Variants in PARPBP observed in about 807,000 individuals in gnomAD.
PARPBP encodes the protein PARP1 binding protein.
PARPBP carries 52 observed loss-of-function variants against 50.0 expected under a neutral mutation model. The observed-to-expected ratio is 1.04, with a 90% CI of 0.83 to 1.31. The LOEUF is 1.31. Ranked by LOEUF, PARPBP falls within the 50% of genes most tolerant of loss-of-function variation. The probability of loss-of-function intolerance (pLI) is 0.00; values close to 1 mark genes in which losing one functional copy is unlikely to be tolerated. For synonymous variants in PARPBP, 244 were observed against 232.1 expected (o/e 1.05, Z -0.47); for missense variants, 697 against 672.0 (o/e 1.04, Z -0.41).
chr12:102,128,619 G>A (rs1331563863), intron 2 of PARPBP, among the ~76,000 whole-genome samples: 1 of 152,072 alleles, frequency 6.6e-6, no homozygotes, highest in Non-Finnish European at 1.5e-5. Flanking sequence ...TTAATATAAT[G>A]TTTTCCAGGT....
chr12:102,166,176 G>A (rs530307274), intron 6 of PARPBP, among the ~76,000 whole-genome samples: 1 of 152,250 alleles, frequency 6.6e-6, no homozygotes, highest in African/African-American at 2.4e-5. Flanking sequence ...CTGGCAATGA[G>A]CAGACAGATA....
intron 2 of PARPBP, among the ~76,000 whole-genome samples, chr12:102,145,926 T>C (rs1885281707): frequency 6.6e-6 from 1 of 152,216 alleles, no homozygotes; most frequent in South Asian, 2.1e-4. Flanking sequence ...TTAGCACTGA[T>C]GTTTTGCTTT....
chr12:102,195,371 A>G lies in PARPBP; in HGVS notation c.1323A>G (p.Ile441Met). The G allele has an allele frequency of 6.3e-7, 1 of 1,589,274 alleles. No individual in the cohort carries two copies. The highest frequency in any genetic ancestry group is 8.6e-7 in the Non-Finnish European group (1 of 1,161,246). Residue 441 changes from isoleucine to methionine, a missense_variant, in exon 10 of 11, where the codon ATA (isoleucine) becomes ATG (methionine). Ile to Met is a conservative substitution (Grantham distance 10). Transcript: ENST00000327680. ...GTACTTATAAAGATGACTACATGAT[A>G]AGCAAGGATAATTGGAATAATGTTA... The part of the protein sequence containing the change: ...FACTYKDDYM[I>M]SKDNWNNVNL...
At chr12:102,177,506 A>ATATTT (rs1405092524) in intron 7 of PARPBP, among the ~76,000 whole-genome samples, 1 of 151,976 alleles carries the variant, frequency 6.6e-6, no homozygotes, top group Non-Finnish European at 1.5e-5. Context: ...TTATTATTAT[A>ATATTT]TATTTTATTT....
intron 4 of PARPBP, among the ~76,000 whole-genome samples, chr12:102,161,322 G>A (rs1484630953): frequency 1.3e-5 from 2 of 151,956 alleles, no homozygotes; most frequent in Non-Finnish European, 2.9e-5. Context: ...TGGCCAGGCT[G>A]GTCTTGAACT....
intron 6 of PARPBP, among the ~76,000 whole-genome samples, chr12:102,172,216 T>C (rs1018298237): frequency 6.6e-6 from 1 of 152,176 alleles, no homozygotes; most frequent in Non-Finnish European, 1.5e-5. Flanking sequence ...TGCCTCTTTC[T>C]CATCTAAATT....
chr12:102,164,481 T>G lies in PARPBP; in HGVS notation c.539T>G (p.Leu180Arg), dbSNP rs748280392. The G allele has an allele frequency of 6.2e-7, 1 of 1,613,004 alleles. No homozygotes were observed. The highest frequency in any genetic ancestry group is 1.1e-5 in the South Asian group (1 of 91,060). Residue 180 changes from leucine to arginine, a missense_variant, in exon 5 of 11, where the codon CTG (leucine) becomes CGG (arginine). Leu to Arg is a moderately radical substitution (Grantham distance 102). Coordinates refer to ENST00000327680, the MANE Select transcript of PARPBP (RefSeq NM_017915.5). ...ARKIIFSYLN[L>R]LVNSKNDLAV... is the part of the protein sequence containing the mutation. ...AAAATTATCTTTTCATATTTAAATC[T>G]GCTAGTGAATTCAAAGAATGACCTG...
chr12:102,189,477 A>C (rs1423133863), intron 9 of PARPBP, among the ~76,000 whole-genome samples: 1 of 152,212 alleles, frequency 6.6e-6, no homozygotes, highest in African/African-American at 2.4e-5. Context: ...CGGGGTTTTA[A>C]ATTTTATTTA....
rs371679709 is a variant in PARPBP, at chr12:102,146,352, C to G, written c.154-1878C>G. ...CTACAGTAACCAAAACAGCATGGTA[C>G]TGGTACCAAAACAGAGATATAGATC... On this transcript the variant is annotated intron_variant, in intron 2 of 10. Transcript: ENST00000327680. Among the ~76,000 whole-genome samples, 100 of 152,236 alleles carry G rather than the reference C, an allele frequency of 6.6e-4. No homozygotes were observed. The East Asian group carries it at 0.01, about 16-fold the overall frequency.
At chr12:102,130,006 C>T (rs1002128884) in intron 2 of PARPBP, among the ~76,000 whole-genome samples, 1 of 152,132 alleles carries the variant, frequency 6.6e-6, no homozygotes, top group Admixed American at 6.5e-5. Context: ...TAAAGGGCTA[C>T]AGTAACCAAA....
At chr12:102,167,657 T>A (rs140773699) in intron 6 of PARPBP, among the ~76,000 whole-genome samples, 71 of 152,306 alleles carry the variant, frequency 4.7e-4, no homozygotes, top group African/African-American at 1.6e-3. Flanking sequence ...TTTTAATCTC[T>A]GAAAGCTGTA....
intron 9 of PARPBP, among the ~76,000 whole-genome samples, chr12:102,185,698 A>T (rs1348386115): frequency 1.3e-5 from 2 of 152,034 alleles, no homozygotes; most frequent in Non-Finnish European, 2.9e-5. Flanking sequence ...TCAGTTTCTC[A>T]ACCAGGCTGG....
At chr12:102,185,118 T>C (rs1177111628) in intron 9 of PARPBP, among the ~76,000 whole-genome samples, 4 of 152,146 alleles carry the variant, frequency 2.6e-5, no homozygotes, top group African/African-American at 9.6e-5. Flanking sequence ...ATCACAAAAG[T>C]TTATGAAACC....
chr12:102,127,215 C>T (rs747064166), intron 2 of PARPBP, among the ~76,000 whole-genome samples: 1 of 151,756 alleles, frequency 6.6e-6, no homozygotes, highest in East Asian at 1.9e-4. Flanking sequence ...GGCAACATGG[C>T]GAAACCTCGT....
chr12:102,156,138 C>A (rs1288421447), intron 4 of PARPBP, among the ~76,000 whole-genome samples: 1 of 148,922 alleles, frequency 6.7e-6, no homozygotes, highest in African/African-American at 2.5e-5. Flanking sequence ...ACCCTGATAA[C>A]ACCATGATCA....
chr12:102,147,867 G>T (rs1186918234), intron 2 of PARPBP, among the ~76,000 whole-genome samples: 2 of 151,892 alleles, frequency 1.3e-5, no homozygotes, highest in South Asian at 4.2e-4. Context: ...GAACTAAAAA[G>T]AATCAAAATT....
At chr12:102,182,418 TGGGAGG>T in intron 8 of PARPBP, 125 bp from the exon 9 acceptor site, 2 of 632,504 alleles carry the variant, frequency 3.2e-6, no homozygotes, top group Non-Finnish European at 5.6e-6. Context: ...TGAGTTTATC[TGGGAGG>T]TAACCCCATC....
At chr12:102,153,782 C>A in intron 3 of PARPBP, 87 bp from the exon 4 acceptor site, 2 of 701,394 alleles carry the variant, frequency 2.9e-6, no homozygotes, top group Non-Finnish European at 2.6e-6. Flanking sequence ...TCAACTGAAA[C>A]ATCAATGACA....
At chr12:102,153,056 C>G (rs1886422628) in intron 3 of PARPBP, among the ~76,000 whole-genome samples, 1 of 151,674 alleles carries the variant, frequency 6.6e-6, no homozygotes, top group Non-Finnish European at 1.5e-5. Context: ...TTAGCTGAAA[C>G]AAAAGCAGAT....
Sources: gnomAD v4.1 joint callset for allele counts (sites outside exome capture counted in the v4.1 genomes callset) on GRCh38, gnomAD v4.1.1 for gene constraint, MANE v1.5 for transcripts, NCBI Gene and HGNC (gene_info 2026-07-23, HGNC 2026-07-21) for gene names.